MBOAT7: variants seen among roughly 807,000 people sequenced by gnomAD.
The protein encoded by MBOAT7 is membrane bound acylglycerophosphatidylinositol O-acyltransferase MBOAT7.
A neutral mutation model predicts 47.4 loss-of-function variants in MBOAT7; 40 were observed. The ratio of observed to expected loss-of-function variants is 0.84; its 90% CI spans 0.66 to 1.10. The LOEUF (loss-of-function observed/expected upper bound fraction) is 1.10. Among genes scored for constraint, MBOAT7 ranks in the 50% least tolerant of loss-of-function variants. The pLI is 0.00. For missense variants in MBOAT7, 680 were observed against 655.6 expected, an observed-to-expected ratio of 1.04 and a Z score of -0.41; for synonymous variants, 361 against 292.0, an observed-to-expected ratio of 1.24 and a Z score of -2.41.
intron 7 of MBOAT7, among the ~76,000 whole-genome samples, chr19:54,176,825 G>T (rs751151853): frequency 1.3e-5 from 2 of 152,072 alleles, no homozygotes; most frequent in Non-Finnish European, 2.9e-5. Flanking sequence ...GGCTGAGATG[G>T]GAGGACTGCT....
intron 4 of MBOAT7, among the ~76,000 whole-genome samples, chr19:54,184,700 C>G (rs1049417315): frequency 4.0e-5 from 6 of 151,798 alleles, no homozygotes; most frequent in African/African-American, 9.7e-5. Context: ...GTCGGGAGTT[C>G]GAGATCAGCC....
chr19:54,178,368 T>G, intron 7 of MBOAT7: 1 of 1,127,506 alleles, frequency 8.9e-7, no homozygotes, highest in Non-Finnish European at 1.1e-6. Flanking sequence ...TCACATTTAG[T>G]CCTTCTATCT....
At chr19:54,176,388 G>A (rs73062693) in intron 7 of MBOAT7, among the ~76,000 whole-genome samples, 2,536 of 152,246 alleles carry the variant, frequency 0.017, 31 homozygotes, top group Middle Eastern at 0.037. Context: ...CCAGCACTTT[G>A]GGAGGCTAAA....
At position 54,173,831 on chromosome 19, in the gene MBOAT7, A is replaced by G; in HGVS notation, c.*213T>C. On this transcript the variant is annotated 3_prime_UTR_variant, in exon 8 of 8. Transcript: ENST00000245615. ...GGGGCCAGTGACTCTTGTCTGGACA[A>G]TACTTTGATTTTGTAGGAGTGGAGG... 1.9e-6 allele frequency: 1 copy of G among 534,512 alleles called. No homozygotes were observed. Among genetic ancestry groups the G allele is most frequent in the Non-Finnish European group, 3.2e-6 (1 of 311,988 alleles). The allele number at this position is 534,512 out of a possible 1,614,324, so 33.1% of individuals were successfully genotyped here.
chr19:54,189,020 G>C (rs2147051411), intron 1 of MBOAT7, among the ~76,000 whole-genome samples: 1 of 122,388 alleles, frequency 8.2e-6, no homozygotes, highest in Non-Finnish European at 1.7e-5. Flanking sequence ...TGTGAAACCA[G>C]ATATCCGGAC....
Position 54,174,369 on chromosome 19 carries a change from C to T in MBOAT7, c.1094G>A (p.Ser365Asn), listed in dbSNP as rs1449577598. 2 of 1,610,914 alleles carry T rather than the reference C, an allele frequency of 1.2e-6. No homozygotes were observed. Among genetic ancestry groups the T allele is most frequent in the Non-Finnish European group, 1.7e-6 (2 of 1,178,456 alleles). The change falls in exon 8 of 8, where the codon AGC becomes AAC. Residue 365 changes from serine to asparagine, a missense_variant. Coordinates refer to ENST00000245615, the MANE Select transcript of MBOAT7 (RefSeq NM_024298.5). The part of the protein sequence containing the change: ...WHGLHPGYYL[S>N]FLTIPLCLAA... ...CAGGCACAGCGGGATGGTCAGGAAG[C>T]TCAGGTAGTAGCCCGGGTGGAGGCC...
Position 54,180,931 on chromosome 19 carries a change from G to C in MBOAT7, c.696C>G (p.Phe232Leu). The C allele has an allele frequency of 1.9e-6, 3 of 1,594,288 alleles. No homozygotes were observed. Among genetic ancestry groups the C allele is most frequent in the Non-Finnish European group, 2.6e-6 (3 of 1,172,448 alleles). The change falls in exon 6 of 8, where the codon TTC (phenylalanine) becomes TTG (leucine). Residue 232 changes from phenylalanine (F) to leucine (L), a missense_variant. Physicochemically the swap from Phe to Leu is conservative, Grantham distance 22 (BLOSUM62 0). Coordinates refer to ENST00000245615, the MANE Select transcript of MBOAT7 (RefSeq NM_024298.5). The surrounding 1 kb of genome is among the most constrained non-coding windows in gnomAD (Gnocchi z 5.2). ...FYARPLPARL[F>L]YMIPVFFAFR... is the part of the protein sequence containing the mutation. Reference sequence around the variant, plus strand: ...AGGCGAAGAAGACGGGGATCATGTAGAAGAGGCGGGCGGGCAGCGGGCGGG... The same window carrying C: ...AGGCGAAGAAGACGGGGATCATGTACAAGAGGCGGGCGGGCAGCGGGCGGG...
chr19:54,174,305 C>G lies in MBOAT7; in HGVS notation c.1158G>C (p.Arg386=), dbSNP rs769154212. The part of the protein sequence containing the change: ...EGRLESALRG[R]LSPGGQKAWD... ...AGGCCTTCTGGCCCCCTGGGCTCAG[C>G]CGCCCCCGCAGGGCTGACTCCAGCC... Residue 386 remains arginine, a synonymous_variant, in exon 8 of 8, where the codon CGG becomes CGC. Transcript: ENST00000245615. 1 of 1,613,086 alleles carries G rather than the reference C, an allele frequency of 6.2e-7. No homozygotes were observed. The highest frequency in any genetic ancestry group is 2.2e-5 in the East Asian group (1 of 44,842).
chr19:54,178,287 A>G (rs1440385124), intron 7 of MBOAT7: 3 of 1,000,902 alleles, frequency 3.0e-6, no homozygotes, highest in Non-Finnish European at 3.6e-6. Flanking sequence ...GGAAGAATGA[A>G]AAACAATAAA....
chr19:54,185,088 T>C (rs957331371), intron 4 of MBOAT7, among the ~76,000 whole-genome samples: 1 of 151,226 alleles, frequency 6.6e-6, no homozygotes, highest in African/African-American at 2.4e-5. Flanking sequence ...TGGGCGCCTG[T>C]AGTCCCAGCT....
chr19:54,180,381 A>C lies in MBOAT7; in HGVS notation c.854+392T>G. ...AAATAGTGGCGTTCTGTTGCTAGGG[A>C]ACCGTTTCCCTAGCAACAGAGGGTG... On this transcript the variant is annotated intron_variant, in intron 6 of 7. Transcript: ENST00000245615. This position sits in a 1 kb window ranked among gnomAD's most constrained non-coding sequence, Gnocchi z 5.2. 1 of 157,374 alleles carries C rather than the reference A, an allele frequency of 6.4e-6. No homozygotes were observed. Among genetic ancestry groups the C allele is most frequent in the Non-Finnish European group, 1.4e-5 (1 of 72,134 alleles). The allele number at this position is 157,374 out of a possible 1,614,324, so 9.7% of individuals were successfully genotyped here.
At position 54,180,637 on chromosome 19, in the gene MBOAT7, C is replaced by T. The variant is rs567529088; in HGVS notation, c.854+136G>A. ...ACAGGGGCTGGCAGGCCATGGTTGC[C>T]GAGGGGGCGACACTCTGCTCAAAAA... On this transcript the variant is annotated intron_variant, in intron 6 of 7. Coordinates refer to ENST00000245615, the MANE Select transcript of MBOAT7 (RefSeq NM_024298.5). This position sits in a 1 kb window ranked among gnomAD's most constrained non-coding sequence, Gnocchi z 5.2. The T allele has an allele frequency of 2.1e-4, 167 of 811,402 alleles. No homozygotes were observed. The highest frequency in any genetic ancestry group is 3.7e-4 in the Admixed American group (12 of 32,802). 50.3% of individuals were successfully genotyped at this position (811,402 alleles called of 1,614,324 possible).
chr19:54,184,319 G>T (rs1176609389), intron 4 of MBOAT7, among the ~76,000 whole-genome samples: 1 of 151,666 alleles, frequency 6.6e-6, no homozygotes, highest in African/African-American at 2.4e-5. Context: ...GGCCTCAAGT[G>T]ATCTGCCCGC....
chr19:54,175,785 T>A (rs7259243), intron 7 of MBOAT7, among the ~76,000 whole-genome samples: 2 of 151,990 alleles, frequency 1.3e-5, no homozygotes, highest in Non-Finnish European at 2.9e-5. Flanking sequence ...AGTGCAGTGG[T>A]GCAATCTCGG....
At position 54,180,768 on chromosome 19, in the gene MBOAT7, C is replaced by A; in HGVS notation, c.854+5G>T. 1 of 1,521,248 alleles carries A rather than the reference C, an allele frequency of 6.6e-7. No homozygotes were observed. The highest frequency in any genetic ancestry group is 1.4e-5 in the African/African-American group (1 of 72,588). 94.2% of individuals were successfully genotyped at this position (1,521,248 alleles called of 1,614,324 possible). ...TCTTGGGAAGCCTCCCTCGCGCCGC[C>A]TGACCTGCTGGGGGGTGGGCATTGG... On this transcript the variant is annotated splice_donor_5th_base_variant and intron_variant, in intron 6 of 7. Transcript: ENST00000245615. The surrounding 1 kb of genome is among the most constrained non-coding windows in gnomAD (Gnocchi z 5.2).
Position 54,183,622 on chromosome 19 carries a change from G to A in MBOAT7, c.392C>T (p.Ala131Val), listed in dbSNP as rs1440735434. 1 of 1,605,634 alleles carries A rather than the reference G, an allele frequency of 6.2e-7. No homozygotes were observed. The highest frequency in any genetic ancestry group is 8.5e-7 in the Non-Finnish European group (1 of 1,176,342). The change falls in exon 5 of 8, where the codon GCC becomes GTC. Residue 131 changes from alanine to valine, a missense_variant. Coordinates refer to ENST00000245615, the MANE Select transcript of MBOAT7 (RefSeq NM_024298.5). ...DLHLAQRKEM[A>V]SGFSKGPTLG... ...GGTGGGCCCCTTGCTGAAGCCTGAG[G>A]CCATTTCCTTCCTCTGGGCCAGATG...
At chr19:54,187,445 C>T (rs2076460705) in intron 3 of MBOAT7, 158 bp from the exon 4 acceptor site, 2 of 847,614 alleles carry the variant, frequency 2.4e-6, no homozygotes, top group Non-Finnish European at 3.5e-6. Context: ...GATGTAGGGA[C>T]CGAATGAGTA....
In MBOAT7 at chr19:54,174,133, C is replaced by T; in HGVS notation, c.1330G>A (p.Gly444Arg). 6.2e-7 allele frequency: 1 copy of T among 1,601,204 alleles called. No individual in the cohort carries two copies. Among genetic ancestry groups the T allele is most frequent in the Non-Finnish European group, 8.5e-7 (1 of 1,174,596 alleles). ...GGGCTGCCCCCACCTAAAGCCAGCCCCAGCCCCAGGGCTGCCAGGGCCAGG... is the reference window on the plus strand; with the variant it reads ...GGGCTGCCCCCACCTAAAGCCAGCCTCAGCCCCAGGGCTGCCAGGGCCAGG... Reference protein sequence around the residue: ...HFLALAALGLGLALGGGSPSR... With the variant: ...HFLALAALGLRLALGGGSPSR... Residue 444 changes from glycine to arginine, a missense_variant, in exon 8 of 8, where the codon GGG becomes AGG. Transcript: ENST00000245615.
At chr19:54,188,837 A>C (rs1260323183) in intron 1 of MBOAT7, among the ~76,000 whole-genome samples, 1 of 151,640 alleles carries the variant, frequency 6.6e-6, no homozygotes, top group Non-Finnish European at 1.5e-5. Flanking sequence ...TACTCCCCGC[A>C]CCCATACTGG....
Sources: allele counts gnomAD v4.1 joint callset (sites outside exome capture counted in the v4.1 genomes callset), GRCh38; gene constraint gnomAD v4.1.1; non-coding constraint Gnocchi (gnomAD v3.1); transcripts MANE v1.5; gene names NCBI Gene and HGNC (gene_info 2026-07-23, HGNC 2026-07-21).